Variants in TMEM135 observed in about 807,000 individuals in gnomAD.
TMEM135 encodes the protein transmembrane protein 135, also known as peroxisomal membrane protein 52.
Under a neutral mutation model 60.3 loss-of-function variants are expected in TMEM135, and 30 were observed. That is an observed-to-expected ratio of 0.50 (90% CI 0.37 to 0.68). TMEM135 has a LOEUF of 0.68. Among genes scored for constraint, TMEM135 ranks in the 30% least tolerant of loss-of-function variants. The pLI is 0.00. For missense variants in TMEM135, 468 were observed against 548.8 expected, an observed-to-expected ratio of 0.85 and a Z score of 1.47; for synonymous variants, 190 against 186.7, an observed-to-expected ratio of 1.02 and a Z score of -0.14.
intron 5 of TMEM135, among the ~76,000 whole-genome samples, chr11:87,158,706 C>T (rs1382204582): frequency 6.6e-6 from 1 of 152,102 alleles, no homozygotes; most frequent in Non-Finnish European, 1.5e-5. Context: ...CCTCGTACTC[C>T]GCCCGTCTTG....
chr11:87,043,507 C>T (rs971792915), intron 1 of TMEM135, among the ~76,000 whole-genome samples: 44 of 151,726 alleles, frequency 2.9e-4, no homozygotes, highest in Non-Finnish European at 5.7e-4. Flanking sequence ...GGGTGGATCA[C>T]GAGGTCAGGA....
chr11:87,310,358 T>C (rs1942620769), intron 10 of TMEM135, among the ~76,000 whole-genome samples: 1 of 152,176 alleles, frequency 6.6e-6, no homozygotes, highest in Non-Finnish European at 1.5e-5. Flanking sequence ...AATCATATTT[T>C]ATTAAACGCT....
At chr11:87,137,261 A>T (rs537617024) in intron 4 of TMEM135, among the ~76,000 whole-genome samples, 19 of 119,876 alleles carry the variant, frequency 1.6e-4, no homozygotes, top group Non-Finnish European at 2.7e-4. Flanking sequence ...CTCTATGCCT[A>T]TATCTAAAAA....
At chr11:87,125,220 A>G (rs1937690300) in intron 4 of TMEM135, among the ~76,000 whole-genome samples, 1 of 152,252 alleles carries the variant, frequency 6.6e-6, no homozygotes, top group Admixed American at 6.5e-5. Context: ...GCCAGGGCAC[A>G]GATAGCCAAT....
intron 5 of TMEM135, among the ~76,000 whole-genome samples, chr11:87,185,923 T>TTTTTTTTTTTTTTTG: frequency 6.6e-6 from 1 of 151,694 alleles, no homozygotes. Flanking sequence ...CTTTTTTTTT[T>TTTTTTTTTTTTTTTG]GTGAGACAGA....
chr11:87,137,666 C>T (rs1256116071), intron 4 of TMEM135, among the ~76,000 whole-genome samples: 4 of 119,750 alleles, frequency 3.3e-5, no homozygotes, highest in Non-Finnish European at 7.3e-5. Context: ...CTCTAAATCT[C>T]AGCATTTTTT....
In TMEM135 at chr11:87,328,795, G is replaced by A; in HGVS notation, c.*7462G>A. ...CTGTATCTTTGCAATTGTGAACTGT[G>A]TTAACAATAAAAATATATATACGAG... On this transcript the variant is annotated 3_prime_UTR_variant, in exon 15 of 15. Coordinates refer to ENST00000305494, the MANE Select transcript of TMEM135 (RefSeq NM_022918.4). The A allele has an allele frequency of 2.2e-6, 1 of 454,052 alleles. No individual in the cohort carries two copies. Among genetic ancestry groups the A allele is most frequent in the Non-Finnish European group, 4.4e-6 (1 of 226,782 alleles). 28.1% of individuals were successfully genotyped at this position (454,052 alleles called of 1,614,324 possible). A position where few individuals can be genotyped will look rare whatever the true frequency, so the allele number is the denominator to read the frequency against.
chr11:87,071,587 G>A lies in TMEM135; in HGVS notation c.334G>A (p.Val112Met), dbSNP rs779935113. Reference sequence around the variant, plus strand: ...TGGTGCCGCTCTGCCAGCATCTTATGTGGCCATTCTCATTGAAAGAAAAAG... The same window carrying A: ...TGGTGCCGCTCTGCCAGCATCTTATATGGCCATTCTCATTGAAAGAAAAAG... ...GFGAALPASY[V>M]AILIERKSRR... Residue 112 changes from valine (V) to methionine (M), a missense_variant, in exon 3 of 15, where the codon GTG (valine) becomes ATG (methionine). Coordinates refer to ENST00000305494, the MANE Select transcript of TMEM135 (RefSeq NM_022918.4). 3 of 1,613,506 alleles carry A rather than the reference G, an allele frequency of 1.9e-6. No individual in the cohort carries two copies. Among genetic ancestry groups the A allele is most frequent in the South Asian group, 1.1e-5 (1 of 91,012 alleles).
chr11:87,280,941 T>C (rs905457951), intron 6 of TMEM135, among the ~76,000 whole-genome samples: 13 of 152,204 alleles, frequency 8.5e-5, no homozygotes, highest in African/African-American at 3.1e-4. Context: ...CTTCCTGCCT[T>C]TTGGATTTGA....
At chr11:87,075,064 C>T (rs1176836475) in intron 3 of TMEM135, among the ~76,000 whole-genome samples, 10 of 152,108 alleles carry the variant, frequency 6.6e-5, no homozygotes, top group African/African-American at 2.2e-4. Context: ...CTTAACACCA[C>T]CCTCCCACCG....
At chr11:87,168,166 CT>C (rs1939119456) in intron 5 of TMEM135, among the ~76,000 whole-genome samples, 1 of 152,052 alleles carries the variant, frequency 6.6e-6, no homozygotes, top group Admixed American at 6.6e-5. Context: ...TCTCTTTTAT[CT>C]TTTTTTATTG....
chr11:87,215,786 AT>A (rs1456095055), intron 5 of TMEM135, among the ~76,000 whole-genome samples: 2 of 152,200 alleles, frequency 1.3e-5, no homozygotes, highest in African/African-American at 4.8e-5. Flanking sequence ...ACAGTGTATC[AT>A]TCTTATTGAT....
chr11:87,240,801 C>A, intron 6 of TMEM135, among the ~76,000 whole-genome samples: 1 of 152,082 alleles, frequency 6.6e-6, no homozygotes, highest in East Asian at 1.9e-4. Flanking sequence ...CTCCTTCAAT[C>A]CCAACCTAGT....
chr11:87,292,255 G>GT (rs772437038), intron 6 of TMEM135, among the ~76,000 whole-genome samples: 19 of 151,696 alleles, frequency 1.3e-4, no homozygotes, highest in Non-Finnish European at 2.4e-4. Context: ...GTTTTATTTT[G>GT]TTTTTTTACC....
At chr11:87,065,571 G>A (rs2512361) in intron 1 of TMEM135, among the ~76,000 whole-genome samples, 4 of 151,964 alleles carry the variant, frequency 2.6e-5, no homozygotes, top group South Asian at 2.1e-4. Flanking sequence ...TACTAGTTCC[G>A]TATTAGATAT....
chr11:87,097,051 C>T (rs752003074), intron 4 of TMEM135, among the ~76,000 whole-genome samples: 2 of 150,532 alleles, frequency 1.3e-5, no homozygotes, highest in Admixed American at 6.6e-5. Flanking sequence ...GGCTGGAGTG[C>T]GGCGGCATGA....
chr11:87,279,502 C>T (rs2054916), intron 6 of TMEM135, among the ~76,000 whole-genome samples: 55,682 of 152,018 alleles, frequency 0.37, 10,862 homozygotes, highest in Non-Finnish European at 0.43. Flanking sequence ...ACAATAATCA[C>T]ATGATGTAGG....
chr11:87,296,116 G>T (rs796102255), intron 7 of TMEM135, among the ~76,000 whole-genome samples: 17 of 152,224 alleles, frequency 1.1e-4, no homozygotes, highest in African/African-American at 4.1e-4. Context: ...AGACAGAGCT[G>T]CTCATGAACA....
intron 6 of TMEM135, among the ~76,000 whole-genome samples, chr11:87,280,399 G>A (rs927744465): frequency 6.6e-6 from 1 of 152,098 alleles, no homozygotes; most frequent in Admixed American, 6.6e-5. Flanking sequence ...TTTTGGCATG[G>A]TGTGACATGT....
Sources: gnomAD v4.1 joint callset for allele counts (sites outside exome capture counted in the v4.1 genomes callset) on GRCh38, gnomAD v4.1.1 for gene constraint, MANE v1.5 for transcripts, NCBI Gene and HGNC (gene_info 2026-07-23, HGNC 2026-07-21) for gene names.